The following TBC1D12 variants were observed in gnomAD, a reference collection of about 807,000 sequenced individuals.
The protein encoded by TBC1D12 is TBC1 domain family, member 12.
In TBC1D12, 56 loss-of-function variants were observed where a neutral mutation model predicts 86.7. The observed-to-expected ratio is 0.65, with a 90% CI of 0.52 to 0.81. The LOEUF (loss-of-function observed/expected upper bound fraction) is 0.81. Among genes scored for constraint, TBC1D12 ranks in the 30% least tolerant of loss-of-function variants. The pLI, the probability that TBC1D12 is intolerant of heterozygous loss-of-function variation, is 0.00. For synonymous variants in TBC1D12, 421 were observed against 411.7 expected (o/e 1.02, Z -0.27); for missense variants, 1,023 against 1,038.8 (o/e 0.98, Z 0.21).
At chr10:94,429,384 T>C (rs2055186657) in intron 1 of TBC1D12, among the ~76,000 whole-genome samples, 1 of 152,164 alleles carries the variant, frequency 6.6e-6, no homozygotes, top group African/African-American at 2.4e-5. Context: ...GCCTAAGTTA[T>C]CTGGCAAAAA....
intron 2 of TBC1D12, among the ~76,000 whole-genome samples, chr10:94,446,763 C>G (rs2055468035): frequency 6.6e-6 from 1 of 152,066 alleles, no homozygotes; most frequent in African/African-American, 2.4e-5. Flanking sequence ...AGATTACACA[C>G]TAAGTAAAGA....
chr10:94,502,411 A>T (rs2056409693), intron 6 of TBC1D12, among the ~76,000 whole-genome samples: 1 of 151,852 alleles, frequency 6.6e-6, no homozygotes, highest in Non-Finnish European at 1.5e-5. Flanking sequence ...GAGGAAAGTA[A>T]AATAGTTTAT....
chr10:94,518,180 T>C (rs1842051650), intron 9 of TBC1D12, among the ~76,000 whole-genome samples: 1 of 152,036 alleles, frequency 6.6e-6, no homozygotes, highest in Admixed American at 6.6e-5. Context: ...CTCCTAGGAC[T>C]CTCCCTCAAG....
chr10:94,411,115 C>T (rs1382302462), intron 1 of TBC1D12, among the ~76,000 whole-genome samples: 1 of 152,070 alleles, frequency 6.6e-6, no homozygotes, highest in South Asian at 2.1e-4. Flanking sequence ...TTTCTTTTAG[C>T]AAAGGTCTAA....
In TBC1D12 at chr10:94,405,778, A is replaced by G. The variant is rs188639938; in HGVS notation, c.971+2194A>G. Among the ~76,000 whole-genome samples the G allele has an allele frequency of 1.5e-3, 235 of 152,060 alleles. 1 individual carries two copies. The highest frequency in any genetic ancestry group is 2.7e-3 in the Non-Finnish European group (186 of 67,984). On this transcript the variant is annotated intron_variant, in intron 1 of 12. Coordinates refer to ENST00000225235, the MANE Select transcript of TBC1D12 (RefSeq NM_015188.2). Reference sequence around the variant, plus strand: ...AGGCTAATGGGGATTAAGTTTGAAGACAGATGCATATATATACATTGCAAT... The same window carrying G: ...AGGCTAATGGGGATTAAGTTTGAAGGCAGATGCATATATATACATTGCAAT...
intron 3 of TBC1D12, among the ~76,000 whole-genome samples, chr10:94,491,030 C>A (rs2056238752): frequency 6.6e-6 from 1 of 152,082 alleles, no homozygotes; most frequent in Non-Finnish European, 1.5e-5. Context: ...ACTTTCTCCT[C>A]ACCTTAGGAT....
At chr10:94,530,854 C>CTTTTTTTTTTTT (rs71031584) in intron 11 of TBC1D12, among the ~76,000 whole-genome samples, 1 of 102,662 alleles carries the variant, frequency 9.7e-6, no homozygotes, top group Non-Finnish European at 1.9e-5. Flanking sequence ...GGGAGGAAGC[C>CTTTTTTTTTTTT]TTTTTTTTTT....
At chr10:94,410,693 T>C (rs1164972958) in intron 1 of TBC1D12, among the ~76,000 whole-genome samples, 2 of 152,226 alleles carry the variant, frequency 1.3e-5, no homozygotes, top group Non-Finnish European at 2.9e-5. Context: ...GGCTTGAAGC[T>C]AATACACTGA....
At chr10:94,426,074 CTG>C (rs2055141155) in intron 1 of TBC1D12, among the ~76,000 whole-genome samples, 2 of 152,142 alleles carry the variant, frequency 1.3e-5, no homozygotes, top group African/African-American at 4.8e-5. Context: ...TATGAGGTGA[CTG>C]TAGACAGTCA....
At chr10:94,447,200 A>AT (rs1290178857) in intron 2 of TBC1D12, among the ~76,000 whole-genome samples, 5 of 151,784 alleles carry the variant, frequency 3.3e-5, no homozygotes, top group East Asian at 1.9e-4. Flanking sequence ...TTTAAAATTC[A>AT]TTTTTTTGTG....
At chr10:94,495,715 C>T (rs1430998519) in intron 4 of TBC1D12, among the ~76,000 whole-genome samples, 1 of 151,734 alleles carries the variant, frequency 6.6e-6, no homozygotes, top group East Asian at 1.9e-4. Context: ...TGAAGCTTCT[C>T]TTTCATCATT....
chr10:94,440,175 CTT>C (rs986878961), intron 1 of TBC1D12, among the ~76,000 whole-genome samples: 5 of 145,618 alleles, frequency 3.4e-5, no homozygotes, highest in Non-Finnish European at 3.0e-5. Context: ...CTTTTCCTTT[CTT>C]TTTTTTTTTG....
intron 3 of TBC1D12, among the ~76,000 whole-genome samples, chr10:94,476,355 C>T (rs1372089922): frequency 6.6e-6 from 1 of 152,062 alleles, no homozygotes; most frequent in Non-Finnish European, 1.5e-5. Context: ...TCCCAATGCT[C>T]CTCTTTTAGG....
At chr10:94,463,622 T>C (rs1445738350) in intron 2 of TBC1D12, among the ~76,000 whole-genome samples, 2 of 152,138 alleles carry the variant, frequency 1.3e-5, no homozygotes, top group Non-Finnish European at 1.5e-5. Flanking sequence ...AAGGGACAAA[T>C]AGACAAATAT....
At chr10:94,423,665 A>G (rs1425825061) in intron 1 of TBC1D12, among the ~76,000 whole-genome samples, 1 of 151,778 alleles carries the variant, frequency 6.6e-6, no homozygotes, top group Non-Finnish European at 1.5e-5. Flanking sequence ...CCATTTTTTA[A>G]CTTTCTCAAT....
chr10:94,416,125 A>G (rs903214619), intron 1 of TBC1D12, among the ~76,000 whole-genome samples: 1 of 152,158 alleles, frequency 6.6e-6, no homozygotes, highest in Admixed American at 6.5e-5. Flanking sequence ...AAAAAATACA[A>G]TTACCTTGGT....
intron 2 of TBC1D12, among the ~76,000 whole-genome samples, chr10:94,452,989 G>T (rs1187285508): frequency 6.6e-6 from 1 of 152,154 alleles, no homozygotes. Flanking sequence ...TAGCTGTGTG[G>T]TGGTGTCTCA....
intron 2 of TBC1D12, among the ~76,000 whole-genome samples, chr10:94,458,951 A>G (rs972923139): frequency 7.9e-5 from 12 of 152,122 alleles, no homozygotes; most frequent in Admixed American, 4.6e-4. Flanking sequence ...GAAGAGTGAA[A>G]AAACAAAGCT....
At chr10:94,474,355 T>C (rs984778724) in intron 2 of TBC1D12, among the ~76,000 whole-genome samples, 14 of 152,036 alleles carry the variant, frequency 9.2e-5, no homozygotes, top group African/African-American at 3.4e-4. Context: ...AAAAACAACT[T>C]TTTTTATGTT....
Sources: allele counts gnomAD v4.1 joint callset (sites outside exome capture counted in the v4.1 genomes callset), GRCh38; gene constraint gnomAD v4.1.1; transcripts MANE v1.5; gene names NCBI Gene and HGNC (gene_info 2026-07-23, HGNC 2026-07-21).